Variants in OAT observed in about 807,000 individuals in gnomAD.
OAT encodes the protein ornithine aminotransferase, mitochondrial.
In OAT, 35 loss-of-function variants were observed where a neutral mutation model predicts 48.4. The ratio of observed to expected loss-of-function variants is 0.72; its 90% CI spans 0.55 to 0.96. OAT has a LOEUF of 0.96. Ranked by LOEUF, OAT falls within the 40% of genes least tolerant of loss-of-function variation. OAT has a pLI of 0.00. For missense variants in OAT, 438 were observed against 537.9 expected (o/e 0.81, Z 1.84); for synonymous variants, 182 against 198.4 (o/e 0.92, Z 0.70).
intron 9 of OAT, among the ~76,000 whole-genome samples, chr10:124,399,707 G>A (rs1469734951): frequency 6.6e-6 from 1 of 152,106 alleles, no homozygotes; most frequent in Non-Finnish European, 1.5e-5. Flanking sequence ...TTAAAAGGAA[G>A]AGTTATCACA....
At chr10:124,414,206 G>A (rs771251260) in intron 1 of OAT, 1 of 152,082 alleles carries the variant, frequency 6.6e-6, no homozygotes, top group South Asian at 2.1e-4. Flanking sequence ...CTCTTGATTC[G>A]AGCTGCCAAA....
At chr10:124,402,635 A>G (rs191728170) in intron 7 of OAT, among the ~76,000 whole-genome samples, 2 of 152,340 alleles carry the variant, frequency 1.3e-5, no homozygotes, top group East Asian at 3.9e-4. Flanking sequence ...GTTTCTGAAC[A>G]CTGGAAAAAA....
chr10:124,415,063 C>T (rs538686967), intron 1 of OAT: 1 of 13,436 alleles, frequency 7.4e-5, no homozygotes, highest in Admixed American at 1.4e-3. Flanking sequence ...CCAGCCTGGG[C>T]TACAAAGCGC....
intron 4 of OAT, among the ~76,000 whole-genome samples, chr10:124,406,456 A>AT (rs918453660): frequency 6.8e-4 from 103 of 152,216 alleles, no homozygotes; most frequent in African/African-American, 2.4e-3. Context: ...GCACCACTGC[A>AT]TTCCGGCCTG....
At chr10:124,401,038 TGGA>T in intron 8 of OAT, 54 bp from the exon 9 acceptor site, 1 of 1,390,550 alleles carries the variant, frequency 7.2e-7, no homozygotes. Flanking sequence ...TTTTGTTTTT[TGGA>T]GGACAACGGG....
rs1305977647 is a variant in OAT at position 124,403,891 on chromosome 10, C to T, written c.678G>A (p.Ala226=). ...ERALQDPNVA[A]FMVEPIQGEA... ...CACCCTGAATTGGTTCTACCATGAA[C>T]GCAGCCACATTTGGATCCTGAAGAG... is the stretch of plus-strand genomic sequence containing the variant. Residue 226 remains alanine (A), a synonymous_variant, in exon 6 of 10, where the codon GCG becomes GCA. Coordinates refer to ENST00000368845, the MANE Select transcript of OAT (RefSeq NM_000274.4). 15 of 1,614,114 alleles carry T rather than the reference C, an allele frequency of 9.3e-6. No individual in the cohort carries two copies. Among genetic ancestry groups the T allele is most frequent in the South Asian group, 3.3e-5 (3 of 91,090 alleles).
chr10:124,402,892 G>T (rs1951451976), intron 7 of OAT, 35 bp downstream of exon 7: 1 of 1,611,614 alleles, frequency 6.2e-7, no homozygotes, highest in African/African-American at 1.3e-5. Flanking sequence ...TTTTACAAGA[G>T]TAGGAAATGG....
At chr10:124,411,912 G>C in intron 2 of OAT, 61 bp downstream of exon 2, 2 of 1,467,606 alleles carry the variant, frequency 1.4e-6, no homozygotes, top group Non-Finnish European at 1.9e-6. Context: ...AAATATGGAA[G>C]CAATTTTTTT....
rs755193146 is a variant in OAT, at chr10:124,401,756, T to C, written c.984A>G (p.Leu328=). Reference sequence around the variant, plus strand: ...GGGCTGCGATGGCCACTCGGCAGCCTAGTGGATTGCCACCGTATGTGGACC... The same window carrying C: ...GGGCTGCGATGGCCACTCGGCAGCCCAGTGGATTGCCACCGTATGTGGACC... ...EHGSTYGGNP[L]GCRVAIAALE... is the part of the protein sequence containing the mutation. Residue 328 remains leucine (L), a synonymous_variant, in exon 8 of 10, where the codon CTA becomes CTG. Coordinates refer to ENST00000368845, the MANE Select transcript of OAT (RefSeq NM_000274.4). The C allele has an allele frequency of 6.2e-7, 1 of 1,613,036 alleles. No homozygotes were observed. The highest frequency in any genetic ancestry group is 2.2e-5 in the East Asian group (1 of 44,894).
chr10:124,397,699 A>G lies in OAT; in HGVS notation c.*243T>C, dbSNP rs1951270451. On this transcript the variant is annotated 3_prime_UTR_variant, in exon 10 of 10. Coordinates refer to ENST00000368845, the MANE Select transcript of OAT (RefSeq NM_000274.4). ...ATAGATGCATTTCACCTTAGGAAGT[A>G]CACATGCACATCAAAACACTTCAAC... 1 of 490,082 alleles carries G rather than the reference A, an allele frequency of 2.0e-6. No homozygotes were observed. The highest frequency in any genetic ancestry group is 1.9e-5 in the African/African-American group (1 of 51,478). The allele number at this position is 490,082 out of a possible 1,614,324, so 30.4% of individuals were successfully genotyped here.
intron 1 of OAT, among the ~76,000 whole-genome samples, chr10:124,417,120 T>C (rs2134509390): frequency 6.6e-6 from 1 of 152,132 alleles, no homozygotes; most frequent in South Asian, 2.1e-4. Context: ...ATAACTGTAA[T>C]AAAGGCACGC....
chr10:124,401,842 G>GA lies in OAT; in HGVS notation c.901-4dup. On this transcript the variant is annotated splice_polypyrimidine_tract_variant and splice_region_variant and intron_variant, in intron 7 of 9. Coordinates refer to ENST00000368845, the MANE Select transcript of OAT (RefSeq NM_000274.4). The stretch of plus-strand genomic sequence containing the variant: ...TCATCACACAGCACTGCAGACACCT[G>GA]AAAGACAGTCAATTCACCATGTCAT... 2 of 1,601,602 alleles carry GA rather than the reference G, an allele frequency of 1.2e-6. No individual in the cohort carries two copies. Among genetic ancestry groups the GA allele is most frequent in the African/African-American group, 2.7e-5 (2 of 74,728 alleles).
At chr10:124,413,576 A>G (rs1951825726) in intron 1 of OAT, among the ~76,000 whole-genome samples, 2 of 152,156 alleles carry the variant, frequency 1.3e-5, no homozygotes, top group South Asian at 4.1e-4. Context: ...CCAGCGACTC[A>G]GGAGGCTAAG....
Position 124,408,888 on chromosome 10 carries a change from A to C in OAT, c.277T>G (p.Cys93Gly). 1 of 1,613,870 alleles carries C rather than the reference A, an allele frequency of 6.2e-7. No individual in the cohort carries two copies. Among genetic ancestry groups the C allele is most frequent in the South Asian group, 1.1e-5 (1 of 91,072 alleles). Residue 93 changes from cysteine to glycine, a missense_variant, in exon 3 of 10, where the codon TGT becomes GGT. Transcript: ENST00000368845. ...SSYSAVNQGH[C>G]HPKIVNALKS... ...AGAGCATTCACAATCTTGGGGTGACAATGCCCTTGGTTGACAGCACTGTAA... is the reference window on the plus strand; with the variant it reads ...AGAGCATTCACAATCTTGGGGTGACCATGCCCTTGGTTGACAGCACTGTAA...
chr10:124,408,317 G>GTATATA (rs1173599560), intron 4 of OAT, among the ~76,000 whole-genome samples: 3 of 83,214 alleles, frequency 3.6e-5, no homozygotes, highest in African/African-American at 1.4e-4. Context: ...GTGTGTGTGT[G>GTATATA]TATATATATA....
At chr10:124,403,271 C>T (rs1424828029) in intron 6 of OAT, 1 of 613,722 alleles carries the variant, frequency 1.6e-6, no homozygotes, top group Non-Finnish European at 2.9e-6. Context: ...CACTATCTCC[C>T]TAGAGGCCCA....
chr10:124,402,048 G>GTTATTTATTTATTTAT (rs561875325), intron 7 of OAT, among the ~76,000 whole-genome samples: 31 of 151,314 alleles, frequency 2.0e-4, no homozygotes, highest in African/African-American at 5.6e-4. Context: ...CACCACACAT[G>GTTATTTATTTATTTAT]TTATTTATTT....
At chr10:124,408,443 C>T in intron 4 of OAT, 99 bp downstream of exon 4, 1 of 1,091,676 alleles carries the variant, frequency 9.2e-7, no homozygotes, top group Non-Finnish European at 1.4e-6. Context: ...GCCTTGGCCT[C>T]CCAAAATGCT....
intron 4 of OAT, among the ~76,000 whole-genome samples, 199 bp downstream of exon 4, chr10:124,408,343 A>ATTT (rs146556713): frequency 5.0e-4 from 42 of 83,758 alleles, no homozygotes; most frequent in East Asian, 3.1e-3. Flanking sequence ...ATATATATAT[A>ATTT]TTTTTTTTTT....
Sources: allele counts gnomAD v4.1 joint callset (sites outside exome capture counted in the v4.1 genomes callset), GRCh38; gene constraint gnomAD v4.1.1; transcripts MANE v1.5; gene names NCBI Gene and HGNC (gene_info 2026-07-23, HGNC 2026-07-21).